SYNE2: variants seen among roughly 807,000 people sequenced by gnomAD.
SYNE2 encodes spectrin repeat containing nuclear envelope protein 2, also known as nesprin-2.
A neutral mutation model predicts 856.3 loss-of-function variants in SYNE2; 431 were observed. That is an observed-to-expected ratio of 0.50 (90% CI 0.47 to 0.55). The LOEUF is 0.55. Ranked by LOEUF, SYNE2 falls within the 20% of genes least tolerant of loss-of-function variation. The pLI is 0.00. For synonymous variants in SYNE2, 2,923 were observed against 2,872.3 expected (o/e 1.02, Z -0.56); for missense variants, 8,129 against 8,023.2 (o/e 1.01, Z -0.50).
chr14:63,889,865 ATGCTG>A (rs1275616487), intron 1 of SYNE2, among the ~76,000 whole-genome samples: 2 of 152,066 alleles, frequency 1.3e-5, no homozygotes, highest in Non-Finnish European at 2.9e-5. Flanking sequence ...ATCCATTTTT[ATGCTG>A]TGGTTTGATG....
At chr14:64,058,584 A>G (rs1279226814) in intron 49 of SYNE2, among the ~76,000 whole-genome samples, 1 of 152,052 alleles carries the variant, frequency 6.6e-6, no homozygotes, top group African/African-American at 2.4e-5. Flanking sequence ...GGTTCAAGCA[A>G]TTCTCTTGCC....
At chr14:63,875,431 A>G (rs750512293) in intron 1 of SYNE2, among the ~76,000 whole-genome samples, 8 of 152,200 alleles carry the variant, frequency 5.3e-5, no homozygotes, top group Non-Finnish European at 1.2e-4. Context: ...CTATTTAAAG[A>G]TTCACAATAA....
intron 1 of SYNE2, among the ~76,000 whole-genome samples, chr14:63,816,080 A>T (rs1455355967): frequency 6.6e-6 from 1 of 150,418 alleles, no homozygotes; most frequent in Admixed American, 6.7e-5. Flanking sequence ...TCCCAAGTAG[A>T]TGGGATTACA....
At chr14:63,806,448 C>T (rs978115220) in intron 1 of SYNE2, among the ~76,000 whole-genome samples, 25 of 152,208 alleles carry the variant, frequency 1.6e-4, no homozygotes, top group African/African-American at 6.0e-4. Flanking sequence ...TTTGCTGTGT[C>T]TCTGCCAAGT....
rs770664697 is a variant in SYNE2 at position 64,168,838 on chromosome 14, T to C, written c.16906-39T>C. 1.6e-5 allele frequency: 22 copies of C among 1,379,626 alleles called. No individual in the cohort carries two copies. In the East Asian group the frequency reaches 5.0e-4, roughly 32 times the overall value. The allele number at this position is 1,379,626 out of a possible 1,614,324, so 85.5% of individuals were successfully genotyped here. A position where few individuals can be genotyped will look rare whatever the true frequency, so the allele number is the denominator to read the frequency against. On this transcript the variant is annotated intron_variant, in intron 92 of 115. Transcript: ENST00000555002. ...TAGGTTCCGAGATTCATAAAATGAA[T>C]TTTACTAGCTGATATTTTCTGCTTG...
In SYNE2 at chr14:64,226,302, G is replaced by C. The variant is rs2098718037; in HGVS notation, c.*776G>C. 1.4e-5 allele frequency: 2 copies of C among 142,760 alleles called. No homozygotes were observed. Among genetic ancestry groups the C allele is most frequent in the African/African-American group, 5.2e-5 (2 of 38,566 alleles). 8.8% of individuals were successfully genotyped at this position (142,760 alleles called of 1,614,324 possible). A position where few individuals can be genotyped will look rare whatever the true frequency, so the allele number is the denominator to read the frequency against. On this transcript the variant is annotated 3_prime_UTR_variant, in exon 116 of 116. Transcript: ENST00000555002. ...TTTCTAAGACTTTTTCACATCCAAA[G>C]TGATGCTTTGCTTTGGGTTTTAACT... is the stretch of plus-strand genomic sequence containing the variant.
rs3062027 is a variant in SYNE2 at position 63,948,782 on chromosome 14, GTATATATATATATATATATATATA to G, written c.409-1025_409-1002del. 4.3e-4 allele frequency among the ~76,000 whole-genome samples: 19 copies of G among 43,900 alleles called. 1 individual carries two copies. In the South Asian group the frequency reaches 6.4e-3, roughly 15 times the overall value. The allele number at this position is 43,900 out of a possible 152,430, so 28.8% of individuals were successfully genotyped here. ...TATGTATATATATGTATGTGTGTGT[GTATATATATATATATATATATATA>G]TATATATATATATATATGTAGCTTA... On this transcript the variant is annotated intron_variant, in intron 6 of 115. Transcript: ENST00000555002.
intron 76 of SYNE2, 27 bp downstream of exon 76, chr14:64,130,275 C>T (rs779831823): frequency 1.3e-6 from 2 of 1,583,964 alleles, no homozygotes; most frequent in Non-Finnish European, 1.7e-6. Flanking sequence ...GGTCGGGTGA[C>T]CCCTTCATAG....
chr14:64,018,446 G>A (rs1407654158), intron 34 of SYNE2, among the ~76,000 whole-genome samples: 1 of 152,200 alleles, frequency 6.6e-6, no homozygotes, highest in Non-Finnish European at 1.5e-5. Flanking sequence ...GTTTCACTAT[G>A]TTGGCCAGAC....
At chr14:64,113,262 A>T in intron 65 of SYNE2, 79 bp from the exon 66 acceptor site, 1 of 1,608,354 alleles carries the variant, frequency 6.2e-7, no homozygotes, top group Non-Finnish European at 8.5e-7. Flanking sequence ...AACTGGGGAA[A>T]TGTTGCAGGT....
chr14:64,041,691 A>T (rs56999560), intron 45 of SYNE2, among the ~76,000 whole-genome samples: 5,290 of 151,892 alleles, frequency 0.035, 311 homozygotes, highest in African/African-American at 0.12. Flanking sequence ...CTAGAAAAAA[A>T]TTTTTTAAAT....
At chr14:63,960,620 C>A in intron 8 of SYNE2, 10 of 491,272 alleles carry the variant, frequency 2.0e-5, no homozygotes, top group East Asian at 3.4e-5. Flanking sequence ...TTTTTTTTTT[C>A]CAATAATCTT....
chr14:63,774,240 G>A lies in SYNE2; in HGVS notation c.-305+12254G>A, dbSNP rs371317359. Among the ~76,000 whole-genome samples the A allele has an allele frequency of 7.8e-4, 118 of 152,098 alleles. 1 individual carries two copies. The South Asian group carries it at 0.016, about 21-fold the overall frequency. On this transcript the variant is annotated intron_variant, in intron 1 of 23. Transcript: ENST00000674003. Reference sequence around the variant, plus strand: ...TCCCAGCACTTTGGGAGGCTGAGGCGGGCAGATCACCTGAGCTCAGGAGTT... The same window carrying A: ...TCCCAGCACTTTGGGAGGCTGAGGCAGGCAGATCACCTGAGCTCAGGAGTT...
intron 33 of SYNE2, 143 bp downstream of exon 33, chr14:64,016,774 C>T (rs990786529): frequency 1.6e-6 from 1 of 640,646 alleles, no homozygotes; most frequent in African/African-American, 1.8e-5. Context: ...TTAATTTTAA[C>T]CCCAGAGTTG....
At position 63,797,602 on chromosome 14, in the gene SYNE2, C is replaced by A. The variant is rs185251129; in HGVS notation, c.-305+35616C>A. Reference sequence around the variant, plus strand: ...GATTACAGGCATGCGCCACCACACCCGGCTAATTTTTGTATTTTCAGTAGA... The same window carrying A: ...GATTACAGGCATGCGCCACCACACCAGGCTAATTTTTGTATTTTCAGTAGA... On this transcript the variant is annotated intron_variant, in intron 1 of 23. Coordinates refer to the SYNE2 transcript ENST00000674003. 1.6e-3 allele frequency among the ~76,000 whole-genome samples: 250 copies of A among 152,172 alleles called. 1 individual carries two copies. The highest frequency in any genetic ancestry group is 5.9e-3 in the African/African-American group (247 of 41,562).
rs148761156 is a variant in SYNE2, at chr14:64,144,391, G to A, written c.15483+443G>A. Among the ~76,000 whole-genome samples the A allele has an allele frequency of 2.0e-5, 3 of 152,236 alleles. No homozygotes were observed. The East Asian group carries it at 5.8e-4, about 29-fold the overall frequency. On this transcript the variant is annotated intron_variant, in intron 83 of 115. Coordinates refer to ENST00000555002, the MANE Select transcript of SYNE2 (RefSeq NM_182914.3). ...GAAAAGATTCGGAAAACTTATTCCT[G>A]AAAAAATACTTTACATATAATCATG...
chr14:64,152,826 C>T, intron 85 of SYNE2, 110 bp downstream of exon 85: 1 of 1,388,668 alleles, frequency 7.2e-7, no homozygotes, highest in South Asian at 1.2e-5. Flanking sequence ...ATACCAAACA[C>T]TGAAAAGTTG....
chr14:64,157,937 A>T, intron 85 of SYNE2, among the ~76,000 whole-genome samples: 1 of 152,098 alleles, frequency 6.6e-6, no homozygotes, highest in Admixed American at 6.5e-5. Context: ...TCTGTCTTTA[A>T]TATTGATTTG....
intron 1 of SYNE2, among the ~76,000 whole-genome samples, chr14:63,777,277 G>A (rs547715810): frequency 1.3e-5 from 2 of 152,308 alleles, no homozygotes; most frequent in East Asian, 3.9e-4. Context: ...CAAGAACAGT[G>A]GGAAACCATC....
Sources: allele counts gnomAD v4.1 joint callset (sites outside exome capture counted in the v4.1 genomes callset), GRCh38; gene constraint gnomAD v4.1.1; transcripts MANE v1.5; gene names NCBI Gene and HGNC (gene_info 2026-07-23, HGNC 2026-07-21).